GRIP1: variants seen among roughly 807,000 people sequenced by gnomAD.
GRIP1 encodes glutamate receptor interacting protein 1, also known as glutamate receptor-interacting protein 1.
GRIP1 carries 45 observed loss-of-function variants against 129.9 expected under a neutral mutation model. The observed-to-expected ratio is 0.35, with a 90% CI of 0.27 to 0.44. GRIP1 has a LOEUF of 0.44. GRIP1 is among the 20% of genes least tolerant of loss of function. The pLI is 1.00. For synonymous variants in GRIP1, 530 were observed against 520.8 expected (o/e 1.02, Z -0.24); for missense variants, 1,196 against 1,396.8 (o/e 0.86, Z 2.29).
chr12:67,018,377 C>T (rs2042818897), intron 1 of GRIP1, among the ~76,000 whole-genome samples: 4 of 152,296 alleles, frequency 2.6e-5, no homozygotes, highest in Middle Eastern at 3.4e-3. Flanking sequence ...CTCACCCTCT[C>T]GCACATGCAC....
chr12:66,599,639 T>C (rs752060995), intron 1 of GRIP1, among the ~76,000 whole-genome samples: 13 of 152,124 alleles, frequency 8.5e-5, no homozygotes, highest in Admixed American at 2.0e-4. Flanking sequence ...GGCTCCACAG[T>C]AGGATACTAA....
intron 1 of GRIP1, among the ~76,000 whole-genome samples, chr12:66,839,373 A>G (rs2039674058): frequency 6.6e-6 from 1 of 152,152 alleles, no homozygotes; most frequent in Non-Finnish European, 1.5e-5. Context: ...GTCAAACTGT[A>G]ATAGACATAA....
intron 1 of GRIP1, among the ~76,000 whole-genome samples, chr12:66,857,422 T>A (rs1056746231): frequency 6.6e-6 from 1 of 152,056 alleles, no homozygotes. Flanking sequence ...GATTAACTAC[T>A]GTGAGCCAGG....
intron 1 of GRIP1, among the ~76,000 whole-genome samples, chr12:66,924,274 C>T (rs1415122932): frequency 2.6e-5 from 4 of 152,198 alleles, no homozygotes; most frequent in African/African-American, 9.6e-5. Context: ...CTGTCAATAT[C>T]ACCACAATGC....
At chr12:66,610,274 A>G (rs1385783176) in intron 1 of GRIP1, among the ~76,000 whole-genome samples, 1 of 152,080 alleles carries the variant, frequency 6.6e-6, no homozygotes, top group Non-Finnish European at 1.5e-5. Flanking sequence ...ACATAGATAC[A>G]CACATACACT....
At chr12:66,633,470 G>T (rs1238046257) in intron 1 of GRIP1, among the ~76,000 whole-genome samples, 1 of 151,654 alleles carries the variant, frequency 6.6e-6, no homozygotes, top group Non-Finnish European at 1.5e-5. Context: ...TAACTTTTAA[G>T]ATCACTATTT....
chr12:66,440,904 T>G (rs765283237), intron 13 of GRIP1, among the ~76,000 whole-genome samples: 1 of 152,146 alleles, frequency 6.6e-6, no homozygotes, highest in East Asian at 1.9e-4. Context: ...CAATATAAAA[T>G]AGAGCAACAA....
intron 1 of GRIP1, among the ~76,000 whole-genome samples, chr12:67,016,487 A>C (rs773514525): frequency 1.6e-4 from 25 of 152,158 alleles, no homozygotes; most frequent in Non-Finnish European, 2.8e-4. Context: ...GTGTTATTTC[A>C]TTTTAAAGAT....
At chr12:66,823,717 C>A (rs2136993139) in intron 1 of GRIP1, among the ~76,000 whole-genome samples, 1 of 147,678 alleles carries the variant, frequency 6.8e-6, no homozygotes, top group East Asian at 2.0e-4. Context: ...CAAATGATTT[C>A]CCAGGCCTGA....
intron 7 of GRIP1, among the ~76,000 whole-genome samples, chr12:66,494,146 C>T (rs1398909909): frequency 6.6e-6 from 1 of 152,172 alleles, no homozygotes; most frequent in Non-Finnish European, 1.5e-5. Context: ...TTACTCAGAA[C>T]TCTCTTAGGT....
At chr12:66,698,085 C>T (rs1396547503) in intron 1 of GRIP1, among the ~76,000 whole-genome samples, 1 of 152,040 alleles carries the variant, frequency 6.6e-6, no homozygotes, top group Non-Finnish European at 1.5e-5. Flanking sequence ...ACAATATTTA[C>T]AACAATCAGA....
intron 5 of GRIP1, among the ~76,000 whole-genome samples, chr12:66,523,800 C>A (rs1364929292): frequency 6.6e-6 from 1 of 151,934 alleles, no homozygotes; most frequent in Non-Finnish European, 1.5e-5. Flanking sequence ...CATGCAGAGA[C>A]ACACATAGGC....
chr12:66,826,633 G>A (rs1592882203), intron 1 of GRIP1, among the ~76,000 whole-genome samples: 1 of 151,908 alleles, frequency 6.6e-6, no homozygotes, highest in African/African-American at 2.4e-5. Context: ...ACATCATCTA[G>A]AGAAATCTCT....
intron 7 of GRIP1, among the ~76,000 whole-genome samples, chr12:66,511,320 AG>A (rs151071709): frequency 0.012 from 1,829 of 152,182 alleles, 41 homozygotes; most frequent in East Asian, 0.1. Flanking sequence ...CCTAGTCTTG[AG>A]TATGTCTTTA....
At chr12:66,583,973 G>A (rs2139646495) in intron 2 of GRIP1, among the ~76,000 whole-genome samples, 2 of 139,772 alleles carry the variant, frequency 1.4e-5, no homozygotes, top group East Asian at 4.1e-4. Flanking sequence ...GTTTATTGCG[G>A]CATTATTCAC....
At chr12:66,615,843 C>T (rs773205595) in intron 1 of GRIP1, among the ~76,000 whole-genome samples, 11 of 151,972 alleles carry the variant, frequency 7.2e-5, no homozygotes, top group African/African-American at 2.7e-4. Context: ...CAGGGTTTCA[C>T]CATGTTGGCC....
intron 1 of GRIP1, among the ~76,000 whole-genome samples, chr12:66,731,071 A>G (rs915256227): frequency 5.3e-5 from 8 of 152,136 alleles, no homozygotes; most frequent in Admixed American, 5.2e-4. Context: ...CAGCCCATGA[A>G]GTTTTCTAGA....
At chr12:67,043,020 G>T (rs961217114) in intron 1 of GRIP1, among the ~76,000 whole-genome samples, 3 of 152,206 alleles carry the variant, frequency 2.0e-5, no homozygotes, top group Non-Finnish European at 4.4e-5. Flanking sequence ...TCTGCCTGCA[G>T]CCCTGGCTCT....
At chr12:66,842,988 A>G (rs1592895999) in intron 1 of GRIP1, among the ~76,000 whole-genome samples, 1 of 152,180 alleles carries the variant, frequency 6.6e-6, no homozygotes, top group East Asian at 1.9e-4. Context: ...ATACATCTGT[A>G]TTTGAAAAGA....
Sources: gnomAD v4.1 joint callset for allele counts (sites outside exome capture counted in the v4.1 genomes callset) on GRCh38, gnomAD v4.1.1 for gene constraint, MANE v1.5 for transcripts, NCBI Gene and HGNC (gene_info 2026-07-23, HGNC 2026-07-21) for gene names.